Variants in NOX4 observed in about 807,000 individuals in gnomAD.
NOX4 encodes the protein kidney oxidase-1.
In NOX4, 69 loss-of-function variants were observed where a neutral mutation model predicts 87.6. The observed-to-expected ratio is 0.79, with a 90% CI of 0.65 to 0.96. NOX4 has a LOEUF of 0.96. Ranked by LOEUF, NOX4 falls within the 40% of genes least tolerant of loss-of-function variation. The pLI is 0.00. For missense variants in NOX4, 680 were observed against 681.5 expected (o/e 1.00, Z 0.02); for synonymous variants, 275 against 238.2 (o/e 1.15, Z -1.42).
intron 12 of NOX4, among the ~76,000 whole-genome samples, chr11:89,356,686 A>G (rs926163199): frequency 1.3e-5 from 2 of 152,080 alleles, no homozygotes; most frequent in African/African-American, 4.8e-5. Flanking sequence ...TTATCACACT[A>G]TGTTTTATTG....
intron 11 of NOX4, among the ~76,000 whole-genome samples, chr11:89,380,708 C>T (rs1164719531): frequency 6.6e-6 from 1 of 152,012 alleles, no homozygotes; most frequent in African/African-American, 2.4e-5. Context: ...GGAAAAAAGC[C>T]AAACTAGAGC....
Position 89,451,801 on chromosome 11 carries a change from A to T in NOX4, c.248T>A (p.Leu83His). 5 of 1,611,804 alleles carry T rather than the reference A, an allele frequency of 3.1e-6. No individual in the cohort carries two copies. Among genetic ancestry groups the T allele is most frequent in the Non-Finnish European group, 1.7e-6 (2 of 1,178,084 alleles). ...LPMCRTLLAY[L>H]RGSQKVPSRR... ...TTTTCTTACCTTCTGTGATCCTCGG[A>T]GGTAAGCCAAGAGTGTTCGGCACAT... The change falls in exon 3 of 18, where the codon CTC becomes CAC. Residue 83 changes from leucine to histidine, a missense_variant. Transcript: ENST00000263317.
chr11:89,479,356 A>C (rs1247311415), intron 2 of NOX4, among the ~76,000 whole-genome samples: 3 of 152,228 alleles, frequency 2.0e-5, no homozygotes, highest in Non-Finnish European at 4.4e-5. Flanking sequence ...CTATGATCAC[A>C]TTAATGAGAT....
At chr11:89,518,778 G>A in the NOX4 span, among the ~76,000 whole-genome samples, 3 of 152,002 alleles carry the variant, frequency 2.0e-5, no homozygotes, top group Non-Finnish European at 4.4e-5. Flanking sequence ...GTGACGTGGA[G>A]TAATTCACCA....
rs766474354 is a variant in NOX4, at chr11:89,400,206, C to T, written c.1011+9G>A. The T allele has an allele frequency of 2.4e-5, 38 of 1,610,306 alleles. 1 individual carries two copies. In the South Asian group the frequency reaches 3.8e-4, roughly 16 times the overall value. ...AGGCTATTTAAAAAGTTGCTGACCA[C>T]TGACTCACCTGACCAGGTCTTGCTT... is the stretch of plus-strand genomic sequence containing the variant. On this transcript the variant is annotated intron_variant, in intron 10 of 17. Coordinates refer to ENST00000263317, the MANE Select transcript of NOX4 (RefSeq NM_016931.5).
At chr11:89,444,039 G>T in intron 5 of NOX4, 96 bp downstream of exon 5, 4 of 953,748 alleles carry the variant, frequency 4.2e-6, no homozygotes, top group Non-Finnish European at 6.7e-6. Flanking sequence ...CACTCAAAAG[G>T]AGCAGTAAGG....
At chr11:89,444,466 AACACACACACACACAC>A (rs59319897) in intron 4 of NOX4, among the ~76,000 whole-genome samples, 1 of 147,134 alleles carries the variant, frequency 6.8e-6, no homozygotes, top group Non-Finnish European at 1.5e-5. Context: ...GGATAAGAGA[AACACACACACACACAC>A]ACACACACAC....
chr11:89,581,556 A>T, the NOX4 span, among the ~76,000 whole-genome samples: 1 of 152,146 alleles, frequency 6.6e-6, no homozygotes, highest in Non-Finnish European at 1.5e-5. Context: ...CAATTCTAAT[A>T]ACCACTGACT....
chr11:89,349,190 G>A (rs1217486420), intron 13 of NOX4, among the ~76,000 whole-genome samples: 3 of 151,980 alleles, frequency 2.0e-5, no homozygotes, highest in Admixed American at 2.0e-4. Context: ...AGGAGGCTGA[G>A]GCAGAAGAAT....
At chr11:89,483,175 C>T (rs1208814482) in intron 2 of NOX4, among the ~76,000 whole-genome samples, 1 of 152,008 alleles carries the variant, frequency 6.6e-6, no homozygotes, top group African/African-American at 2.4e-5. Context: ...ATAAAAGGGG[C>T]CAAGAACTGT....
At chr11:89,430,556 A>G (rs1281043482) in intron 7 of NOX4, among the ~76,000 whole-genome samples, 1 of 152,170 alleles carries the variant, frequency 6.6e-6, no homozygotes, top group African/African-American at 2.4e-5. Context: ...CTTATACACC[A>G]ATAACAGACA....
chr11:89,530,715 C>G, the NOX4 span, among the ~76,000 whole-genome samples: 1 of 151,986 alleles, frequency 6.6e-6, no homozygotes, highest in Non-Finnish European at 1.5e-5. Flanking sequence ...TGAAGTACAC[C>G]ATTTCTCTCC....
chr11:89,354,468 T>C (rs317195), intron 13 of NOX4, among the ~76,000 whole-genome samples: 48,666 of 151,814 alleles, frequency 0.32, 11,895 homozygotes, highest in African/African-American at 0.68. Flanking sequence ...GAAGATTTCA[T>C]TTCCCCTGTT....
At chr11:89,358,019 C>T (rs1479997502) in intron 12 of NOX4, among the ~76,000 whole-genome samples, 1 of 152,010 alleles carries the variant, frequency 6.6e-6, no homozygotes, top group African/African-American at 2.4e-5. Context: ...ATATTTGGAA[C>T]ATCCTTTAAT....
At chr11:89,456,521 G>A (rs1461911038) in intron 2 of NOX4, among the ~76,000 whole-genome samples, 1 of 152,132 alleles carries the variant, frequency 6.6e-6, no homozygotes, top group East Asian at 1.9e-4. Flanking sequence ...ATTGAGAGTG[G>A]ATGCAGTTAG....
chr11:89,477,687 C>T (rs1450377203), intron 2 of NOX4, among the ~76,000 whole-genome samples: 1 of 151,938 alleles, frequency 6.6e-6, no homozygotes, highest in Non-Finnish European at 1.5e-5. Flanking sequence ...GTTTTTAAAA[C>T]TTTTTTGTTT....
chr11:89,509,993 A>T, the NOX4 span, among the ~76,000 whole-genome samples: 1 of 152,054 alleles, frequency 6.6e-6, no homozygotes, highest in Non-Finnish European at 1.5e-5. Context: ...TAATGGAGGT[A>T]ATTTGAACCT....
intron 7 of NOX4, among the ~76,000 whole-genome samples, chr11:89,430,959 A>G (rs955262496): frequency 6.6e-6 from 1 of 152,238 alleles, no homozygotes; most frequent in Admixed American, 6.5e-5. Context: ...AAACAATACT[A>G]CAAGGCTGCA....
intron 11 of NOX4, among the ~76,000 whole-genome samples, chr11:89,387,329 C>T (rs575603491): frequency 6.6e-6 from 1 of 152,094 alleles, no homozygotes; most frequent in Admixed American, 6.5e-5. Flanking sequence ...TCTCCTGGCT[C>T]AGAAGCTCCC....
Sources: gnomAD v4.1 joint callset for allele counts (sites outside exome capture counted in the v4.1 genomes callset) on GRCh38, gnomAD v4.1.1 for gene constraint, MANE v1.5 for transcripts, NCBI Gene and HGNC (gene_info 2026-07-23, HGNC 2026-07-21) for gene names.